Variants in STAG1 observed in about 807,000 individuals in gnomAD.
STAG1 encodes STAG1 cohesin complex component, also known as cohesin subunit SA-1.
STAG1 carries 26 observed loss-of-function variants against 170.9 expected under a neutral mutation model. The ratio of observed to expected loss-of-function variants is 0.15; its 90% confidence interval spans 0.11 to 0.21. STAG1 has a LOEUF of 0.21. STAG1 is among the 10% of genes least tolerant of loss of function. STAG1 has a pLI of 1.00. For missense variants in STAG1, 964 were observed against 1,509.5 expected (o/e 0.64, Z 5.99); for synonymous variants, 514 against 497.7 (o/e 1.03, Z -0.44).
chr3:136,532,276 C>T (rs966182529), intron 6 of STAG1, among the ~76,000 whole-genome samples: 2 of 152,034 alleles, frequency 1.3e-5, no homozygotes, highest in Admixed American at 1.3e-4. Context: ...CTTTGGTTTG[C>T]TAGAATTTTT....
intron 9 of STAG1, among the ~76,000 whole-genome samples, chr3:136,477,969 T>C (rs1477203356): frequency 2.0e-5 from 3 of 152,042 alleles, no homozygotes; most frequent in Non-Finnish European, 4.4e-5. Context: ...TTTGTATTTT[T>C]AGTAGAGATG....
intron 13 of STAG1, 113 bp from the exon 14 acceptor site, chr3:136,452,260 G>A: frequency 1.5e-6 from 1 of 685,710 alleles, no homozygotes. Context: ...AGGGGGAGCA[G>A]GGAGAACGAG....
intron 4 of STAG1, among the ~76,000 whole-genome samples, chr3:136,586,603 C>A (rs763357424): frequency 3.3e-5 from 5 of 152,182 alleles, no homozygotes; most frequent in Non-Finnish European, 7.3e-5. Context: ...TCTAAGTAAC[C>A]TGAAGGCAGT....
chr3:136,653,514 A>G (rs1055095638), intron 1 of STAG1, among the ~76,000 whole-genome samples: 1 of 152,148 alleles, frequency 6.6e-6, no homozygotes, highest in African/African-American at 2.4e-5. Context: ...CATTTATATA[A>G]CATTTATTGT....
chr3:136,736,997 G>A (rs2107946336), intron 1 of STAG1: 9 of 1,592,516 alleles, frequency 5.7e-6, no homozygotes, highest in Non-Finnish European at 7.7e-6. Flanking sequence ...TTGTCAGGAT[G>A]CACCAAGATG....
intron 1 of STAG1, among the ~76,000 whole-genome samples, chr3:136,732,226 T>A (rs992115758): frequency 1.0e-4 from 15 of 146,432 alleles, no homozygotes; most frequent in African/African-American, 3.3e-4. Flanking sequence ...ATCAAATCTT[T>A]TATCCACAAC....
chr3:136,626,742 A>G (rs1354726940), intron 2 of STAG1, among the ~76,000 whole-genome samples: 1 of 152,162 alleles, frequency 6.6e-6, no homozygotes, highest in African/African-American at 2.4e-5. Flanking sequence ...CAGTTTACAT[A>G]TGTTATCTAT....
At chr3:136,674,185 G>GGGAGGGAAGGAGGGAA (rs1244266082) in intron 1 of STAG1, among the ~76,000 whole-genome samples, 2 of 116,228 alleles carry the variant, frequency 1.7e-5, no homozygotes, top group Non-Finnish European at 3.5e-5. Flanking sequence ...GAGGGAGGGA[G>GGGAGGGAAGGAGGGAA]GGAGGGAAGG....
At chr3:136,683,408 T>C (rs950100406) in intron 1 of STAG1, among the ~76,000 whole-genome samples, 11 of 151,984 alleles carry the variant, frequency 7.2e-5, no homozygotes, top group Non-Finnish European at 1.2e-4. Context: ...GGACCACAGG[T>C]GCACACCAAC....
intron 6 of STAG1, among the ~76,000 whole-genome samples, chr3:136,534,818 C>T (rs979244265): frequency 2.3e-4 from 35 of 152,134 alleles, no homozygotes; most frequent in African/African-American, 8.4e-4. Context: ...TTAGTACAAC[C>T]ACCATGGAAA....
At chr3:136,565,011 A>AAGGAAGGCAGGCAGGC (rs1207671431) in intron 5 of STAG1, among the ~76,000 whole-genome samples, 8 of 45,440 alleles carry the variant, frequency 1.8e-4, no homozygotes, top group East Asian at 3.9e-4. Context: ...GGAAGGAAGG[A>AAGGAAGGCAGGCAGGC]AGGCAGGCAG....
chr3:136,441,354 G>A (rs1280522402), intron 15 of STAG1, among the ~76,000 whole-genome samples: 2 of 152,028 alleles, frequency 1.3e-5, no homozygotes, highest in Non-Finnish European at 2.9e-5. Context: ...TCTTACTAAG[G>A]ATATCATGGA....
At chr3:136,404,861 ATATGTG>A (rs1319597638) in intron 21 of STAG1, among the ~76,000 whole-genome samples, 5 of 103,070 alleles carry the variant, frequency 4.9e-5, no homozygotes, top group Admixed American at 2.5e-4. Context: ...AATTATGCAT[ATATGTG>A]TGTGTGTGTG....
intron 1 of STAG1, among the ~76,000 whole-genome samples, chr3:136,638,974 A>T (rs1940689538): frequency 6.6e-6 from 1 of 152,114 alleles, no homozygotes; most frequent in African/African-American, 2.4e-5. Flanking sequence ...AAAATGTCAC[A>T]GTCTTTAAAA....
chr3:136,541,493 A>T (rs990509544), intron 6 of STAG1, among the ~76,000 whole-genome samples: 1 of 150,754 alleles, frequency 6.6e-6, no homozygotes, highest in East Asian at 1.9e-4. Flanking sequence ...CTAAATGAAA[A>T]TAAGAATACT....
At chr3:136,666,254 T>C (rs748320449) in intron 1 of STAG1, among the ~76,000 whole-genome samples, 10 of 151,990 alleles carry the variant, frequency 6.6e-5, no homozygotes, top group Non-Finnish European at 1.5e-5. Flanking sequence ...AAGCTGATTC[T>C]CCCCTAGAGC....
chr3:136,508,318 G>T (rs1233049517), intron 7 of STAG1, among the ~76,000 whole-genome samples: 1 of 152,108 alleles, frequency 6.6e-6, no homozygotes, highest in Non-Finnish European at 1.5e-5. Flanking sequence ...ATGTGAGTGG[G>T]TCTCATGCAA....
chr3:136,584,535 T>TC, intron 4 of STAG1, among the ~76,000 whole-genome samples: 1 of 152,296 alleles, frequency 6.6e-6, no homozygotes, highest in South Asian at 2.1e-4. Flanking sequence ...AAGCCATCCC[T>TC]CCTTCCATGC....
chr3:136,709,997 T>C (rs963936793), intron 1 of STAG1, among the ~76,000 whole-genome samples: 1 of 149,900 alleles, frequency 6.7e-6, no homozygotes, highest in Non-Finnish European at 1.5e-5. Context: ...ATTGCAACAC[T>C]GCACTCCAGC....
Sources: gnomAD v4.1 joint callset for allele counts (sites outside exome capture counted in the v4.1 genomes callset) on GRCh38, gnomAD v4.1.1 for gene constraint, MANE v1.5 for transcripts, NCBI Gene and HGNC (gene_info 2026-07-23, HGNC 2026-07-21) for gene names.